ATRNL1: variants seen among roughly 807,000 people sequenced by gnomAD.
ATRNL1 encodes the protein attractin-like protein 1.
In ATRNL1, 95 loss-of-function variants were observed where a neutral mutation model predicts 182.7. The ratio of observed to expected loss-of-function variants is 0.52; its 90% CI spans 0.44 to 0.62. The LOEUF (loss-of-function observed/expected upper bound fraction) is 0.62. ATRNL1 is among the 20% of genes least tolerant of loss of function. ATRNL1 has a pLI of 0.00. For synonymous variants in ATRNL1, 576 were observed against 568.3 expected, an observed-to-expected ratio of 1.01 and a Z score of -0.19; for missense variants, 1,471 against 1,679.5, an observed-to-expected ratio of 0.88 and a Z score of 2.17.
chr10:115,779,246 T>A (rs974126071), intron 27 of ATRNL1, among the ~76,000 whole-genome samples: 9 of 152,250 alleles, frequency 5.9e-5, no homozygotes, highest in Non-Finnish European at 7.4e-5. Flanking sequence ...ATGAGTTCAG[T>A]TTTATACATG....
intron 26 of ATRNL1, among the ~76,000 whole-genome samples, chr10:115,638,542 T>G (rs1859037693): frequency 6.6e-6 from 1 of 152,104 alleles, no homozygotes; most frequent in South Asian, 2.1e-4. Flanking sequence ...TTCAGACACT[T>G]TGAGAGTAGG....
At chr10:115,672,172 T>C (rs1945717183) in intron 26 of ATRNL1, among the ~76,000 whole-genome samples, 1 of 152,070 alleles carries the variant, frequency 6.6e-6, no homozygotes, top group African/African-American at 2.4e-5. Context: ...CCAGGAAATA[T>C]TCTAGATGTC....
At chr10:115,885,847 C>T (rs942083443) in intron 28 of ATRNL1, among the ~76,000 whole-genome samples, 1 of 152,216 alleles carries the variant, frequency 6.6e-6, no homozygotes, top group Admixed American at 6.5e-5. Flanking sequence ...TTTTGATGGA[C>T]GTTTAGGCTA....
chr10:115,310,345 G>T (rs74878909), intron 17 of ATRNL1, among the ~76,000 whole-genome samples: 236 of 152,054 alleles, frequency 1.6e-3, no homozygotes, highest in African/African-American at 5.5e-3. Context: ...TGTGATACTG[G>T]CTTCATAGAA....
chr10:115,471,175 G>A (rs1042860512), intron 24 of ATRNL1, among the ~76,000 whole-genome samples: 6 of 150,644 alleles, frequency 4.0e-5, no homozygotes, highest in South Asian at 2.1e-4. Context: ...GTGTATGTAC[G>A]TATATAAATA....
At chr10:115,770,319 T>A (rs1220493052) in intron 27 of ATRNL1, among the ~76,000 whole-genome samples, 2 of 152,132 alleles carry the variant, frequency 1.3e-5, no homozygotes, top group African/African-American at 2.4e-5. Context: ...AATGGCATAC[T>A]AAGCAATGAA....
At chr10:115,864,778 C>G (rs530398905) in intron 28 of ATRNL1, among the ~76,000 whole-genome samples, 1 of 152,146 alleles carries the variant, frequency 6.6e-6, no homozygotes, top group African/African-American at 2.4e-5. Context: ...GTCGGGAGAT[C>G]GAGACCATCC....
At chr10:115,722,217 C>A (rs1224531980) in intron 26 of ATRNL1, among the ~76,000 whole-genome samples, 1 of 151,364 alleles carries the variant, frequency 6.6e-6, no homozygotes, top group Non-Finnish European at 1.5e-5. Flanking sequence ...CACATTATGT[C>A]AAACACAGCA....
At chr10:115,823,454 AG>A (rs1415675515) in intron 27 of ATRNL1, among the ~76,000 whole-genome samples, 7 of 152,194 alleles carry the variant, frequency 4.6e-5, no homozygotes, top group African/African-American at 1.4e-4. Flanking sequence ...AAAGAAATAA[AG>A]GGTATTCAAT....
intron 26 of ATRNL1, among the ~76,000 whole-genome samples, chr10:115,699,986 A>G (rs1255996208): frequency 1.3e-5 from 2 of 152,194 alleles, no homozygotes; most frequent in African/African-American, 4.8e-5. Context: ...AACGGCCTTC[A>G]GCTACATCCA....
chr10:115,656,377 C>T (rs1860331188), intron 26 of ATRNL1, among the ~76,000 whole-genome samples: 1 of 152,142 alleles, frequency 6.6e-6, no homozygotes, highest in Non-Finnish European at 1.5e-5. Flanking sequence ...ATAGAGTTTG[C>T]ACATTCTCCC....
chr10:115,802,278 G>T (rs1437655299), intron 27 of ATRNL1, among the ~76,000 whole-genome samples: 1 of 152,118 alleles, frequency 6.6e-6, no homozygotes, highest in Non-Finnish European at 1.5e-5. Context: ...GCAGGCAAGT[G>T]ATTGAAGCCA....
At chr10:115,842,052 T>G (rs539749648) in intron 27 of ATRNL1, among the ~76,000 whole-genome samples, 1 of 152,254 alleles carries the variant, frequency 6.6e-6, no homozygotes, top group East Asian at 1.9e-4. Flanking sequence ...CTGATAAGAA[T>G]AGCATTAGAA....
chr10:115,327,944 G>A (rs1019917794), intron 18 of ATRNL1, among the ~76,000 whole-genome samples: 42 of 151,978 alleles, frequency 2.8e-4, no homozygotes, highest in Admixed American at 1.2e-3. Flanking sequence ...GTGGGGTGGG[G>A]GGAAGTGGGG....
chr10:115,867,878 A>G (rs1951476138), intron 28 of ATRNL1, among the ~76,000 whole-genome samples: 1 of 152,136 alleles, frequency 6.6e-6, no homozygotes, highest in Admixed American at 6.5e-5. Flanking sequence ...CTGGGATCAC[A>G]GGCATGTGCC....
intron 28 of ATRNL1, among the ~76,000 whole-genome samples, chr10:115,935,470 T>C (rs1953528168): frequency 6.6e-6 from 1 of 152,194 alleles, no homozygotes; most frequent in South Asian, 2.1e-4. Context: ...GTTTTTCTTT[T>C]TCTTCTGGTT....
chr10:115,753,370 C>T (rs1948501510), intron 27 of ATRNL1, among the ~76,000 whole-genome samples: 1 of 152,020 alleles, frequency 6.6e-6, no homozygotes, highest in South Asian at 2.1e-4. Context: ...GTTCCCCTCC[C>T]TGTGTTCATG....
Position 115,847,703 on chromosome 10 carries a change from G to A in ATRNL1, c.3904-174G>A, listed in dbSNP as rs187287392. Among the ~76,000 whole-genome samples the A allele has an allele frequency of 7.9e-3, 1,207 of 152,262 alleles. 15 individuals are homozygous for A. The highest frequency in any genetic ancestry group is 0.012 in the Non-Finnish European group (803 of 68,010). ...TAGTGAAATTTGTTGATTTATTCAA[G>A]TGTAGGCCAAGTGCACATCCATAGT... On this transcript the variant is annotated intron_variant, in intron 27 of 28. Coordinates refer to ENST00000355044, the MANE Select transcript of ATRNL1 (RefSeq NM_207303.4).
chr10:115,912,417 TGTG>T (rs1315417153), intron 28 of ATRNL1, among the ~76,000 whole-genome samples: 9 of 9,254 alleles, frequency 9.7e-4, no homozygotes, highest in Middle Eastern at 0.071. Context: ...TATATATATT[TGTG>T]TGTGTGTGTG....
Sources: gnomAD v4.1 joint callset for allele counts (sites outside exome capture counted in the v4.1 genomes callset) on GRCh38, gnomAD v4.1.1 for gene constraint, MANE v1.5 for transcripts, NCBI Gene and HGNC (gene_info 2026-07-23, HGNC 2026-07-21) for gene names.